RAD9A: variants seen among roughly 807,000 people sequenced by gnomAD.
RAD9A encodes cell cycle checkpoint control protein RAD9A.
A neutral mutation model predicts 41.2 loss-of-function variants in RAD9A; 25 were observed. The ratio of observed to expected loss-of-function variants is 0.61; its 90% CI spans 0.44 to 0.85. The LOEUF (loss-of-function observed/expected upper bound fraction) is 0.85, where lower values mean the gene tolerates loss of function less well. RAD9A is among the 40% of genes least tolerant of loss of function. The pLI, the probability that RAD9A is intolerant of heterozygous loss-of-function variation, is 0.00. For synonymous variants in RAD9A, 252 were observed against 210.6 expected (o/e 1.20, Z -1.70); for missense variants, 514 against 518.3 (o/e 0.99, Z 0.08).
Position 67,392,811 on chromosome 11 carries a change from A to C in RAD9A, c.234+29A>C, listed in dbSNP as rs761645415. On this transcript the variant is annotated intron_variant, in intron 3 of 10. Transcript: ENST00000307980. ...AGGCCCTTCCCTCAGCAGTGGCACT[A>C]CTCCACCCCAGGAATCTCCACCAGC... The C allele has an allele frequency of 2.4e-5, 38 of 1,610,978 alleles. No homozygotes were observed. In the South Asian group the frequency reaches 4.0e-4, roughly 17 times the overall value.
In RAD9A at chr11:67,392,001, G is replaced by A; in HGVS notation, c.-44G>A. 1 of 1,537,006 alleles carries A rather than the reference G, an allele frequency of 6.5e-7. No homozygotes were observed. Among genetic ancestry groups the A allele is most frequent in the Non-Finnish European group, 8.7e-7 (1 of 1,143,782 alleles). The stretch of plus-strand genomic sequence containing the variant: ...AAGGGACCCCGGACCCGGAGGTCGC[G>A]GAGAGCTGGGCAGTGTTGGCCGCTG... On this transcript the variant is annotated 5_prime_UTR_variant, in exon 1 of 11. Coordinates refer to ENST00000307980, the MANE Select transcript of RAD9A (RefSeq NM_004584.3).
At chr11:67,392,258 G>GGCT in intron 2 of RAD9A, 27 bp downstream of exon 2, 1 of 1,319,218 alleles carries the variant, frequency 7.6e-7, no homozygotes, top group Non-Finnish European at 1.1e-6. Flanking sequence ...TGGGGGGCGG[G>GGCT]TGGGACTCCA....
chr11:67,393,829 T>C, intron 5 of RAD9A, 39 bp downstream of exon 5: 1 of 1,489,080 alleles, frequency 6.7e-7, no homozygotes, highest in Non-Finnish European at 9.0e-7. Flanking sequence ...CCCGGGTCTC[T>C]CTCTTCCTTC....
intron 5 of RAD9A, among the ~76,000 whole-genome samples, chr11:67,395,489 C>T (rs1336582192): frequency 6.6e-6 from 1 of 152,208 alleles, no homozygotes; most frequent in African/African-American, 2.4e-5. Context: ...GTGCCACGTC[C>T]TGCCTCTGGG....
Position 67,392,092 on chromosome 11 carries a change from G to A in RAD9A, c.34+14G>A. On this transcript the variant is annotated intron_variant, in intron 1 of 10. Coordinates refer to ENST00000307980, the MANE Select transcript of RAD9A (RefSeq NM_004584.3). ...GCAACGTGAAGGGTGAGTGCAGGTC[G>A]GCCTGGCAGCGGCGGTGCAGCAGCC... The A allele has an allele frequency of 3.1e-6, 5 of 1,601,440 alleles. No individual in the cohort carries two copies. In the South Asian group the frequency reaches 4.5e-5, roughly 14 times the overall value.
chr11:67,394,665 C>G (rs1469064254), intron 5 of RAD9A, among the ~76,000 whole-genome samples: 2 of 151,622 alleles, frequency 1.3e-5, no homozygotes, highest in Non-Finnish European at 2.9e-5. Context: ...CTCTTGTTGC[C>G]CAGGCAATGG....
chr11:67,392,254 G>GGGTT, intron 2 of RAD9A, 23 bp downstream of exon 2: 1 of 1,500,956 alleles, frequency 6.7e-7, no homozygotes, highest in Non-Finnish European at 9.1e-7. Context: ...GGTGTGGGGG[G>GGGTT]CGGGTGGGAC....
rs1329583328 is a variant in RAD9A, at chr11:67,395,974, C to A, written c.622C>A (p.Gln208Lys). ...TGGAGAGGAGGATTTCCAGCAGCTG[C>A]AGGCCCAGGAAGGGGTGGCCATCAC... ...CLGEEDFQQL[Q>K]AQEGVAITFC... Residue 208 changes from glutamine to lysine, a missense_variant, in exon 7 of 11, where the codon CAG (glutamine) becomes AAG (lysine). By Grantham distance (53) the Gln-to-Lys change is moderately conservative. This residue lies in a region of RAD9A where 268 missense variants were observed against 279.3 expected (regional missense o/e 0.96). Transcript: ENST00000307980. 6.2e-7 allele frequency: 1 copy of A among 1,614,176 alleles called. No individual in the cohort carries two copies. The highest frequency in any genetic ancestry group is 1.1e-5 in the South Asian group (1 of 91,086).
In RAD9A at chr11:67,396,004, T is replaced by G. The variant is rs763823365; in HGVS notation, c.652T>G (p.Cys218Gly). 6.2e-7 allele frequency: 1 copy of G among 1,614,150 alleles called. No homozygotes were observed. The highest frequency in any genetic ancestry group is 1.7e-5 in the Admixed American group (1 of 60,022). The part of the protein sequence containing the change: ...QAQEGVAITF[C>G]LKEFRGLLSF... Reference sequence around the variant, plus strand: ...CCAGGAAGGGGTGGCCATCACTTTCTGCCTCAAGGAATTCCGGGTGAGGTT... The same window carrying G: ...CCAGGAAGGGGTGGCCATCACTTTCGGCCTCAAGGAATTCCGGGTGAGGTT... The change falls in exon 7 of 11, where the codon TGC becomes GGC. Residue 218 changes from cysteine to glycine, a missense_variant. By Grantham distance (159) the Cys-to-Gly change is radical. Around this residue, in one of 3 missense-constraint regions of RAD9A, gnomAD observed 30 missense variants for 54.8 expected, o/e 0.55. Transcript: ENST00000307980.
In RAD9A at chr11:67,392,013, A is replaced by G. The variant is rs2134937564; in HGVS notation, c.-32A>G. The G allele has an allele frequency of 3.9e-6, 6 of 1,548,518 alleles. No homozygotes were observed. Among genetic ancestry groups the G allele is most frequent in the Non-Finnish European group, 5.2e-6 (6 of 1,149,224 alleles). On this transcript the variant is annotated 5_prime_UTR_variant, in exon 1 of 11. Transcript: ENST00000307980. ...ACCCGGAGGTCGCGGAGAGCTGGGC[A>G]GTGTTGGCCGCTGGCGGAGCGCTGG...
At chr11:67,395,853 A>G (rs775746172) in intron 6 of RAD9A, 28 bp downstream of exon 6, 3 of 1,613,166 alleles carry the variant, frequency 1.9e-6, no homozygotes, top group Non-Finnish European at 2.5e-6. Flanking sequence ...GGCCTGGGAC[A>G]GCAGAGTGGC....
At chr11:67,395,527 G>A (rs1862657991) in intron 5 of RAD9A, 189 bp from the exon 6 acceptor site, 2 of 589,494 alleles carry the variant, frequency 3.4e-6, no homozygotes, top group South Asian at 4.1e-5. Context: ...ATGGTCAGGT[G>A]CCGCCTGCCA....
At chr11:67,397,000 C>T (rs529247038) in intron 9 of RAD9A, among the ~76,000 whole-genome samples, 179 bp from the exon 10 acceptor site, 1 of 152,282 alleles carries the variant, frequency 6.6e-6, no homozygotes, top group African/African-American at 2.4e-5. Context: ...CCTGGCCCAC[C>T]CCCTCCAGGA....
chr11:67,393,204 C>T (rs1459007768), intron 3 of RAD9A: 21 of 840,156 alleles, frequency 2.5e-5, no homozygotes, highest in African/African-American at 1.6e-4. Context: ...TGCTTGAATC[C>T]GGGAGGTGGA....
chr11:67,396,497 C>G (rs1226852612), intron 9 of RAD9A, 97 bp downstream of exon 9: 13 of 1,429,394 alleles, frequency 9.1e-6, no homozygotes, highest in Non-Finnish European at 2.9e-6. Flanking sequence ...GCAATGTGTT[C>G]TCTCCCGCCC....
chr11:67,393,752 C>T lies in RAD9A; in HGVS notation c.411C>T (p.Asp137=). The T allele has an allele frequency of 1.2e-6, 2 of 1,612,352 alleles. No individual in the cohort carries two copies. The highest frequency in any genetic ancestry group is 1.3e-5 in the African/African-American group (1 of 75,010). ...GTGAGTCCCTGCAGGCCGTCTTCGACCCAGCCTCGTGCCCCCACATGCTCC... is the reference window on the plus strand; with the variant it reads ...GTGAGTCCCTGCAGGCCGTCTTCGATCCAGCCTCGTGCCCCCACATGCTCC... ...QDCESLQAVF[D]PASCPHMLRA... is the part of the protein sequence containing the mutation. The change falls in exon 5 of 11, where the codon GAC becomes GAT. Residue 137 remains aspartate (D), a synonymous_variant. Coordinates refer to ENST00000307980, the MANE Select transcript of RAD9A (RefSeq NM_004584.3).
At position 67,397,208 on chromosome 11, in the gene RAD9A, A is replaced by T. The variant is rs759918198; in HGVS notation, c.902A>T (p.Asp301Val). 6.2e-7 allele frequency: 1 copy of T among 1,613,676 alleles called. No individual in the cohort carries two copies. Among genetic ancestry groups the T allele is most frequent in the Admixed American group, 1.7e-5 (1 of 60,006 alleles). The change falls in exon 10 of 11, where the codon GAC becomes GTC. Residue 301 changes from aspartate (D) to valine (V), a missense_variant. By Grantham distance (152) the Asp-to-Val change is radical. This residue lies in a region of RAD9A where 216 missense variants were observed against 184.2 expected (regional missense o/e 1.17). Coordinates refer to ENST00000307980, the MANE Select transcript of RAD9A (RefSeq NM_004584.3). Reference sequence around the variant, plus strand: ...CCCCACCCGGACGACTTTGCCAATGACGACATTGACTCTTACATGATCGCC... The same window carrying T: ...CCCCACCCGGACGACTTTGCCAATGTCGACATTGACTCTTACATGATCGCC... ...STPHPDDFANDDIDSYMIAME... is the reference protein window; with the variant it reads ...STPHPDDFANVDIDSYMIAME...
Position 67,392,639 on chromosome 11 carries a change from C to T in RAD9A, c.106-15C>T. 1 of 1,613,206 alleles carries T rather than the reference C, an allele frequency of 6.2e-7. No individual in the cohort carries two copies. The highest frequency in any genetic ancestry group is 1.1e-5 in the South Asian group (1 of 91,080). On this transcript the variant is annotated splice_polypyrimidine_tract_variant and intron_variant, in intron 2 of 10. Coordinates refer to ENST00000307980, the MANE Select transcript of RAD9A (RefSeq NM_004584.3). ...CCCCCTGACCACGTCCCTCTCCCTGCTCTTCGTGGCCCAGCTCTCCCTCCG... is the reference window on the plus strand; with the variant it reads ...CCCCCTGACCACGTCCCTCTCCCTGTTCTTCGTGGCCCAGCTCTCCCTCCG...
In RAD9A at chr11:67,392,094, C is replaced by T. The variant is rs1590927287; in HGVS notation, c.34+16C>T. On this transcript the variant is annotated intron_variant, in intron 1 of 10. Coordinates refer to ENST00000307980, the MANE Select transcript of RAD9A (RefSeq NM_004584.3). The stretch of plus-strand genomic sequence containing the variant: ...AACGTGAAGGGTGAGTGCAGGTCGG[C>T]CTGGCAGCGGCGGTGCAGCAGCCGC... 2 of 1,601,828 alleles carry T rather than the reference C, an allele frequency of 1.2e-6. No individual in the cohort carries two copies. The highest frequency in any genetic ancestry group is 1.7e-5 in the Admixed American group (1 of 58,970).
Sources: allele counts gnomAD v4.1 joint callset (sites outside exome capture counted in the v4.1 genomes callset), GRCh38; gene constraint gnomAD v4.1.1; regional missense constraint gnomAD v4.1.1; transcripts MANE v1.5; gene names NCBI Gene and HGNC (gene_info 2026-07-23, HGNC 2026-07-21).